Variants in MECOM observed in about 807,000 individuals in gnomAD.
The protein encoded by MECOM is MDS1 and EVI1 complex locus.
A neutral mutation model predicts 116.3 loss-of-function variants in MECOM; 13 were observed. That is an observed-to-expected ratio of 0.11 (90% CI 0.07 to 0.18). The LOEUF (loss-of-function observed/expected upper bound fraction) is 0.18. Among genes scored for constraint, MECOM ranks in the 10% least tolerant of loss-of-function variants. The probability of loss-of-function intolerance (pLI) is 1.00; values close to 1 mark genes in which losing one functional copy is unlikely to be tolerated. For synonymous variants in MECOM, 528 were observed against 535.2 expected (o/e 0.99, Z 0.19); for missense variants, 1,299 against 1,509.0 (o/e 0.86, Z 2.31).
chr3:169,473,357 G>A (rs1201381798), intron 1 of MECOM, among the ~76,000 whole-genome samples: 1 of 152,144 alleles, frequency 6.6e-6, no homozygotes, highest in East Asian at 1.9e-4. Context: ...AAAGAGAAAA[G>A]AGAGACCACT....
chr3:169,566,608 C>G (rs1763275352), intron 1 of MECOM, among the ~76,000 whole-genome samples: 1 of 152,128 alleles, frequency 6.6e-6, no homozygotes, highest in Admixed American at 6.5e-5. Flanking sequence ...ACTTAATAAC[C>G]TGTCCAAGCC....
intron 1 of MECOM, among the ~76,000 whole-genome samples, chr3:169,635,639 A>G (rs150260769): frequency 1.3e-5 from 2 of 152,214 alleles, no homozygotes; most frequent in African/African-American, 4.8e-5. Flanking sequence ...CCAAATATTC[A>G]TTGAACATGT....
Position 169,249,078 on chromosome 3 carries a change from A to G in MECOM, c.376-105246T>C, listed in dbSNP as rs144485292. On this transcript the variant is annotated intron_variant, in intron 2 of 16. Transcript: ENST00000651503. ...ACTCTACAGTATATTGTATTTATTT[A>G]CATGTCTGATGGCCCACAAAACCGA... Among the ~76,000 whole-genome samples, 1,068 of 152,252 alleles carry G rather than the reference A, an allele frequency of 7.0e-3. 9 individuals carry two copies. Among genetic ancestry groups the G allele is most frequent in the African/African-American group, 0.021 (858 of 41,530 alleles).
chr3:169,338,392 CTG>C (rs1028993435), intron 2 of MECOM, among the ~76,000 whole-genome samples: 11 of 152,126 alleles, frequency 7.2e-5, no homozygotes, highest in African/African-American at 2.7e-4. Context: ...CTGCCCTAGA[CTG>C]TCAACTCTGG....
At chr3:169,344,722 TA>T (rs1464683925) in intron 2 of MECOM, among the ~76,000 whole-genome samples, 1 of 152,174 alleles carries the variant, frequency 6.6e-6, no homozygotes, top group Admixed American at 6.6e-5. Context: ...ATGAGGTTTC[TA>T]AAACAAAAAC....
At chr3:169,265,042 A>G (rs1053064884) in intron 2 of MECOM, among the ~76,000 whole-genome samples, 2 of 152,190 alleles carry the variant, frequency 1.3e-5, no homozygotes, top group Admixed American at 1.3e-4. Context: ...AGAAAAAAAA[A>G]AAAGTTAGAT....
intron 1 of MECOM, among the ~76,000 whole-genome samples, chr3:169,599,908 T>C (rs577952117): frequency 6.6e-6 from 1 of 152,312 alleles, no homozygotes; most frequent in South Asian, 2.1e-4. Context: ...AAGTCATAAT[T>C]AACACTATGC....
chr3:169,416,302 A>C (rs994246373), intron 1 of MECOM, among the ~76,000 whole-genome samples: 2 of 152,250 alleles, frequency 1.3e-5, no homozygotes, highest in African/African-American at 4.8e-5. Context: ...ATTAAGGCAG[A>C]AATAAATAAG....
chr3:169,366,943 G>A (rs981249147), intron 2 of MECOM, among the ~76,000 whole-genome samples: 1 of 152,062 alleles, frequency 6.6e-6, no homozygotes, highest in African/African-American at 2.4e-5. Flanking sequence ...AACCCTAAGT[G>A]TAGGCATGGC....
At chr3:169,533,545 A>AT (rs1758916303) in intron 1 of MECOM, among the ~76,000 whole-genome samples, 1 of 135,956 alleles carries the variant, frequency 7.4e-6, no homozygotes, top group African/African-American at 2.8e-5. Context: ...GTTGGCTATG[A>AT]TTTTTTCCTC....
At chr3:169,624,200 G>A (rs1055030517) in intron 1 of MECOM, among the ~76,000 whole-genome samples, 2 of 152,148 alleles carry the variant, frequency 1.3e-5, no homozygotes, top group Non-Finnish European at 2.9e-5. Flanking sequence ...TTTGTCAATA[G>A]AATTTCACAA....
chr3:169,438,058 C>G (rs1335941202), intron 1 of MECOM, among the ~76,000 whole-genome samples: 1 of 152,108 alleles, frequency 6.6e-6, no homozygotes, highest in Non-Finnish European at 1.5e-5. Context: ...ACTCTCATCC[C>G]CATTTTATAT....
intron 2 of MECOM, among the ~76,000 whole-genome samples, chr3:169,191,659 G>GA (rs1315320375): frequency 1.5e-4 from 21 of 139,660 alleles, no homozygotes; most frequent in East Asian, 1.2e-3. Context: ...AGAAAGACAG[G>GA]AAAAAACAGA....
At chr3:169,644,042 T>A (rs567140112) in intron 1 of MECOM, among the ~76,000 whole-genome samples, 1 of 152,252 alleles carries the variant, frequency 6.6e-6, no homozygotes, top group Non-Finnish European at 1.5e-5. Flanking sequence ...ATTTCAAGCC[T>A]CAACTGTAGA....
At chr3:169,570,533 T>TA (rs1763767140) in intron 1 of MECOM, among the ~76,000 whole-genome samples, 3 of 151,604 alleles carry the variant, frequency 2.0e-5, no homozygotes, top group Non-Finnish European at 4.4e-5. Flanking sequence ...AAAGACACAT[T>TA]AAAAAAAGAA....
At chr3:169,279,164 G>A (rs1196799799) in intron 2 of MECOM, among the ~76,000 whole-genome samples, 1 of 152,164 alleles carries the variant, frequency 6.6e-6, no homozygotes, top group Non-Finnish European at 1.5e-5. Context: ...CAGGAGCTTT[G>A]CTCCTCCTCA....
intron 1 of MECOM, among the ~76,000 whole-genome samples, chr3:169,534,334 TTGGTCAATTACATATGCTC>T (rs1030403506): frequency 6.6e-6 from 1 of 152,174 alleles, no homozygotes; most frequent in African/African-American, 2.4e-5. Context: ...ATTTGGGAAA[TTGGTCAATTACATATGCTC>T]TGGTAGAGAT....
chr3:169,595,198 G>C (rs1162608779), intron 1 of MECOM, among the ~76,000 whole-genome samples: 2 of 152,058 alleles, frequency 1.3e-5, no homozygotes, highest in African/African-American at 4.8e-5. Flanking sequence ...GCTTACTTTT[G>C]TCTACTAATG....
At chr3:169,600,468 C>T (rs551503641) in intron 1 of MECOM, among the ~76,000 whole-genome samples, 20 of 152,224 alleles carry the variant, frequency 1.3e-4, no homozygotes, top group African/African-American at 4.6e-4. Flanking sequence ...AATTCACATG[C>T]ACACGTATCC....
Sources: gnomAD v4.1 joint callset for allele counts (sites outside exome capture counted in the v4.1 genomes callset) on GRCh38, gnomAD v4.1.1 for gene constraint, MANE v1.5 for transcripts, NCBI Gene and HGNC (gene_info 2026-07-23, HGNC 2026-07-21) for gene names.